SLC25A28: variants seen among roughly 807,000 people sequenced by gnomAD.
SLC25A28 encodes the protein solute carrier family 25 member 28, also known as mitoferrin-2.
Under a neutral mutation model 31.9 loss-of-function variants are expected in SLC25A28, and 10 were observed. That is an observed-to-expected ratio of 0.31 (90% CI 0.19 to 0.53). SLC25A28 has a LOEUF of 0.53. Ranked by LOEUF, SLC25A28 falls within the 20% of genes least tolerant of loss-of-function variation. The pLI, the probability that SLC25A28 is intolerant of heterozygous loss-of-function variation, is 0.95. For synonymous variants in SLC25A28, 208 were observed against 203.6 expected (o/e 1.02, Z -0.19); for missense variants, 256 against 490.3 (o/e 0.52, Z 4.51).
At chr10:99,648,522 T>G in the SLC25A28 span, among the ~76,000 whole-genome samples, 1 of 152,164 alleles carries the variant, frequency 6.6e-6, no homozygotes, top group East Asian at 1.9e-4. Context: ...TTGCATTGAA[T>G]CTGTAGATTA....
the SLC25A28 span, among the ~76,000 whole-genome samples, chr10:99,650,602 G>A: frequency 3.3e-5 from 5 of 151,846 alleles, no homozygotes; most frequent in South Asian, 8.4e-4. Context: ...CAAGCAGTGT[G>A]AGCAAGAAGC....
the SLC25A28 span, among the ~76,000 whole-genome samples, chr10:99,631,895 T>A: frequency 0.02 from 2,196 of 111,676 alleles, 93 homozygotes; most frequent in Non-Finnish European, 0.027. Context: ...TTTTTTATTT[T>A]TTTTTTTTTT....
the SLC25A28 span, among the ~76,000 whole-genome samples, chr10:99,643,255 A>G: frequency 6.6e-6 from 1 of 152,116 alleles, no homozygotes; most frequent in East Asian, 1.9e-4. Context: ...CCTGTTACCA[A>G]TCTATTCAGG....
At chr10:99,640,647 T>C in the SLC25A28 span, among the ~76,000 whole-genome samples, 1 of 152,162 alleles carries the variant, frequency 6.6e-6, no homozygotes, top group Non-Finnish European at 1.5e-5. Flanking sequence ...ACATGTGCCA[T>C]GTTGGTGTGC....
chr10:99,618,394 C>T lies in SLC25A28; in HGVS notation c.291+1651G>A, dbSNP rs376783142. ...ATTGATCTGTTTTCCATTCAATACT[C>T]ATCCAGAAAAACAGCATCCTAAACC... On this transcript the variant is annotated intron_variant, in intron 1 of 3. Coordinates refer to ENST00000370495, the MANE Select transcript of SLC25A28 (RefSeq NM_031212.4). The T allele has an allele frequency of 4.0e-5, 39 of 985,430 alleles. No homozygotes were observed. In the African/African-American group the frequency reaches 6.3e-4, roughly 16 times the overall value. 61.0% of individuals were successfully genotyped at this position (985,430 alleles called of 1,614,324 possible).
intron 1 of SLC25A28, chr10:99,615,469 G>A (rs919287338): frequency 2.3e-5 from 23 of 984,914 alleles, no homozygotes; most frequent in Admixed American, 6.2e-5. Context: ...AACAGGTCCC[G>A]GTTAGCTGCA....
chr10:99,650,915 G>A, the SLC25A28 span, among the ~76,000 whole-genome samples: 1 of 152,178 alleles, frequency 6.6e-6, no homozygotes, highest in Non-Finnish European at 1.5e-5. Context: ...TCAGATGCCT[G>A]TAGGATTCCA....
chr10:99,648,484 A>G, the SLC25A28 span, among the ~76,000 whole-genome samples: 3 of 152,172 alleles, frequency 2.0e-5, no homozygotes, highest in African/African-American at 7.2e-5. Flanking sequence ...TAATTCTGGG[A>G]AAAATGACAT....
At chr10:99,644,692 C>T in the SLC25A28 span, among the ~76,000 whole-genome samples, 2 of 152,188 alleles carry the variant, frequency 1.3e-5, no homozygotes, top group South Asian at 2.1e-4. Flanking sequence ...GTGGCTGGTA[C>T]CAGTTGTTCC....
At chr10:99,616,018 T>G (rs1589996488) in intron 1 of SLC25A28, 1 of 985,390 alleles carries the variant, frequency 1.0e-6, no homozygotes, top group East Asian at 1.1e-4. Flanking sequence ...AAGTACACCC[T>G]TATGGAGAGG....
chr10:99,658,825 C>T, the SLC25A28 span, among the ~76,000 whole-genome samples: 1 of 152,110 alleles, frequency 6.6e-6, no homozygotes, highest in Non-Finnish European at 1.5e-5. Context: ...ACACACACAC[C>T]CACGCGCGCG....
Position 99,615,761 on chromosome 10 carries a change from A to T in SLC25A28, c.292-1837T>A, listed in dbSNP as rs569131260. 25 of 985,424 alleles carry T rather than the reference A, an allele frequency of 2.5e-5. No homozygotes were observed. In the South Asian group the frequency reaches 1.1e-3, roughly 43 times the overall value. The allele number at this position is 985,424 out of a possible 1,614,324, so 61.0% of individuals were successfully genotyped here. ...GCTGGCTAGAGCTACTAATAAGCAA[A>T]GATAAATTGAGCCTCTTAGCTTATC... On this transcript the variant is annotated intron_variant, in intron 1 of 3. Transcript: ENST00000370495.
At chr10:99,636,788 C>T in the SLC25A28 span, among the ~76,000 whole-genome samples, 43 of 152,102 alleles carry the variant, frequency 2.8e-4, no homozygotes, top group Non-Finnish European at 5.7e-4. Flanking sequence ...GAGATTGAAA[C>T]GGTAATTTAA....
At chr10:99,651,408 G>T in the SLC25A28 span, among the ~76,000 whole-genome samples, 2 of 151,718 alleles carry the variant, frequency 1.3e-5, no homozygotes, top group Non-Finnish European at 2.9e-5. Context: ...TTTACACCTG[G>T]GTTGTTTGCT....
chr10:99,619,314 G>T (rs991641748), intron 1 of SLC25A28: 2 of 985,304 alleles, frequency 2.0e-6, no homozygotes, highest in Admixed American at 1.2e-4. Context: ...GGTGGCCAAA[G>T]AAATATGCTA....
the SLC25A28 span, among the ~76,000 whole-genome samples, chr10:99,645,921 A>G: frequency 1.7e-4 from 26 of 152,278 alleles, no homozygotes; most frequent in Admixed American, 6.5e-4. Context: ...CTTCCTCTGG[A>G]AGCTTCATCT....
At chr10:99,615,882 A>G in intron 1 of SLC25A28, 1 of 985,430 alleles carries the variant, frequency 1.0e-6, no homozygotes, top group South Asian at 4.7e-5. Flanking sequence ...TTGGCTACCA[A>G]TTCTGAACGG....
chr10:99,633,140 TA>T, the SLC25A28 span, among the ~76,000 whole-genome samples: 48 of 147,254 alleles, frequency 3.3e-4, no homozygotes, highest in South Asian at 1.5e-3. Context: ...CATTTTCATT[TA>T]AAAAAAAAAA....
the SLC25A28 span, among the ~76,000 whole-genome samples, chr10:99,658,801 A>C: frequency 6.6e-6 from 1 of 152,280 alleles, no homozygotes; most frequent in South Asian, 2.1e-4. Flanking sequence ...GGCTGGTGTA[A>C]GCAAGAAAGA....
Sources: gnomAD v4.1 joint callset for allele counts (sites outside exome capture counted in the v4.1 genomes callset) on GRCh38, gnomAD v4.1.1 for gene constraint, MANE v1.5 for transcripts, NCBI Gene and HGNC (gene_info 2026-07-23, HGNC 2026-07-21) for gene names.